The following EYA2 variants were observed in gnomAD, a reference collection of about 807,000 sequenced individuals.
The protein encoded by EYA2 is protein phosphatase EYA2.
In EYA2, 31 loss-of-function variants were observed where a neutral mutation model predicts 69.2. That is an observed-to-expected ratio of 0.45 (90% CI 0.34 to 0.60). The LOEUF (loss-of-function observed/expected upper bound fraction) is 0.60. Ranked by LOEUF, EYA2 falls within the 20% of genes least tolerant of loss-of-function variation. The pLI is 0.02. For missense variants in EYA2, 622 were observed against 701.2 expected (o/e 0.89, Z 1.28); for synonymous variants, 257 against 279.4 (o/e 0.92, Z 0.80).
chr20:47,180,036 ATAT>A (rs1267409313), intron 13 of EYA2, 124 bp downstream of exon 13: 1 of 673,518 alleles, frequency 1.5e-6, no homozygotes, highest in East Asian at 2.7e-5. Context: ...CACTTTCCAA[ATAT>A]TTTTTTTTTT....
intron 1 of EYA2, among the ~76,000 whole-genome samples, chr20:46,955,671 AGAGGATCAGAT>A (rs1979079338): frequency 6.6e-6 from 1 of 152,266 alleles, no homozygotes; most frequent in African/African-American, 2.4e-5. Flanking sequence ...TTTTACAAAA[AGAGGATCAGAT>A]TTTACACACC....
chr20:46,935,079 T>C (rs1985849790), intron 1 of EYA2, among the ~76,000 whole-genome samples: 1 of 152,166 alleles, frequency 6.6e-6, no homozygotes, highest in African/African-American at 2.4e-5. Context: ...GGGAGGAGGT[T>C]GCGCACCAGT....
intron 1 of EYA2, among the ~76,000 whole-genome samples, chr20:46,912,630 A>G (rs1478978254): frequency 6.6e-6 from 1 of 151,952 alleles, no homozygotes; most frequent in Non-Finnish European, 1.5e-5. Context: ...AAAAGTAAGT[A>G]GAGGGGAGGG....
chr20:46,952,993 C>G (rs951497539), intron 1 of EYA2, among the ~76,000 whole-genome samples: 3 of 152,200 alleles, frequency 2.0e-5, no homozygotes, highest in African/African-American at 7.2e-5. Context: ...TTTTGCACAG[C>G]TCATAGAGTT....
At chr20:46,943,376 T>C (rs1986235527) in intron 1 of EYA2, among the ~76,000 whole-genome samples, 1 of 152,234 alleles carries the variant, frequency 6.6e-6, no homozygotes, top group South Asian at 2.1e-4. Flanking sequence ...TGCTTGTGTT[T>C]GTTGAATGAC....
intron 5 of EYA2, among the ~76,000 whole-genome samples, chr20:47,034,178 T>C (rs969465600): frequency 2.0e-5 from 3 of 152,258 alleles, no homozygotes; most frequent in Non-Finnish European, 4.4e-5. Context: ...TAAAAACATT[T>C]GTTCCCTATG....
intron 10 of EYA2, among the ~76,000 whole-genome samples, chr20:47,157,512 C>CTT (rs1285735727): frequency 6.6e-6 from 1 of 151,684 alleles, no homozygotes; most frequent in African/African-American, 2.4e-5. Flanking sequence ...ATAGATAAGG[C>CTT]TTTAGCAAGC....
At chr20:46,942,008 CAGCCTCCCAA>C (rs1489170455) in intron 1 of EYA2, among the ~76,000 whole-genome samples, 1 of 152,088 alleles carries the variant, frequency 6.6e-6, no homozygotes, top group African/African-American at 2.4e-5. Flanking sequence ...CCTTTTGCCT[CAGCCTCCCAA>C]AGTGTTGAGG....
At chr20:46,903,147 A>C (rs1006545595) in intron 1 of EYA2, among the ~76,000 whole-genome samples, 1 of 152,234 alleles carries the variant, frequency 6.6e-6, no homozygotes. Context: ...GCCAGAGGTG[A>C]GAAGGACCAA....
chr20:47,111,788 T>C (rs899089708), intron 9 of EYA2, among the ~76,000 whole-genome samples: 8 of 152,072 alleles, frequency 5.3e-5, no homozygotes, highest in African/African-American at 1.9e-4. Context: ...CTTCAGAGGG[T>C]GAAGATGTAA....
chr20:47,023,632 GTT>G (rs60939329), intron 5 of EYA2, among the ~76,000 whole-genome samples: 2,258 of 89,726 alleles, frequency 0.025, 45 homozygotes, highest in East Asian at 0.23. Flanking sequence ...GATTTTGGGT[GTT>G]TTTTTTTTTT....
intron 10 of EYA2, among the ~76,000 whole-genome samples, chr20:47,153,570 A>G (rs759533309): frequency 1.7e-4 from 26 of 151,928 alleles, no homozygotes; most frequent in African/African-American, 3.9e-4. Context: ...TAGAGGATCA[A>G]TTGAGCCTGG....
chr20:46,906,583 G>A (rs557038383), intron 1 of EYA2, among the ~76,000 whole-genome samples: 10 of 152,248 alleles, frequency 6.6e-5, no homozygotes, highest in African/African-American at 1.2e-4. Flanking sequence ...ACTTTATGCC[G>A]GGATATGTTC....
chr20:46,978,872 G>T (rs1276529643), intron 1 of EYA2, among the ~76,000 whole-genome samples: 1 of 152,188 alleles, frequency 6.6e-6, no homozygotes, highest in Non-Finnish European at 1.5e-5. Flanking sequence ...TGAGCTTTTG[G>T]TTTGAGCAAC....
At chr20:47,006,264 C>G (rs1982708352) in intron 4 of EYA2, among the ~76,000 whole-genome samples, 1 of 152,246 alleles carries the variant, frequency 6.6e-6, no homozygotes, top group African/African-American at 2.4e-5. Context: ...TGTCCACCCG[C>G]AGGACCAGGG....
intron 1 of EYA2, among the ~76,000 whole-genome samples, chr20:46,920,430 T>C (rs1393970996): frequency 6.6e-6 from 1 of 152,248 alleles, no homozygotes; most frequent in African/African-American, 2.4e-5. Flanking sequence ...GTTATCTTTT[T>C]ATGACTAAAA....
At chr20:46,923,544 T>A (rs1985276174) in intron 1 of EYA2, among the ~76,000 whole-genome samples, 1 of 152,214 alleles carries the variant, frequency 6.6e-6, no homozygotes, top group South Asian at 2.1e-4. Flanking sequence ...GTGTCAGTGT[T>A]AAAGTGATTG....
At chr20:47,178,261 G>A (rs1447882265) in intron 12 of EYA2, among the ~76,000 whole-genome samples, 1 of 151,840 alleles carries the variant, frequency 6.6e-6, no homozygotes, top group Non-Finnish European at 1.5e-5. Flanking sequence ...GCTTGAACCT[G>A]GGAGACTGAG....
intron 5 of EYA2, among the ~76,000 whole-genome samples, chr20:47,043,947 G>T (rs2029903165): frequency 6.6e-6 from 1 of 152,148 alleles, no homozygotes; most frequent in Admixed American, 6.5e-5. Flanking sequence ...GAGGTGTTTG[G>T]ATCCAAACAA....
Sources: allele counts gnomAD v4.1 joint callset (sites outside exome capture counted in the v4.1 genomes callset), GRCh38; gene constraint gnomAD v4.1.1; transcripts MANE v1.5; gene names NCBI Gene and HGNC (gene_info 2026-07-23, HGNC 2026-07-21).